Variants in SHISA6 observed in about 807,000 individuals in gnomAD.
The protein encoded by SHISA6 is shisa family member 6, also known as protein shisa-6.
SHISA6 carries 22 observed loss-of-function variants against 47.9 expected under a neutral mutation model. The observed-to-expected ratio is 0.46, with a 90% CI of 0.33 to 0.66. SHISA6 has a LOEUF of 0.66. Among genes scored for constraint, SHISA6 ranks in the 30% least tolerant of loss-of-function variants. The pLI is 0.02. For synonymous variants in SHISA6, 388 were observed against 337.8 expected (o/e 1.15, Z -1.63); for missense variants, 680 against 764.6 (o/e 0.89, Z 1.30).
At chr17:11,473,186 T>C (rs949391058) in intron 3 of SHISA6, among the ~76,000 whole-genome samples, 5 of 152,240 alleles carry the variant, frequency 3.3e-5, no homozygotes, top group Non-Finnish European at 7.3e-5. Flanking sequence ...TTGTCAATTA[T>C]TTCTTTCATG....
chr17:11,459,786 A>G (rs190129311), intron 3 of SHISA6, among the ~76,000 whole-genome samples: 205 of 152,348 alleles, frequency 1.3e-3, no homozygotes, highest in African/African-American at 4.7e-3. Context: ...GTCACAGAAC[A>G]CATCACGGGA....
chr17:11,303,399 GTGAT>G (rs905900826), intron 2 of SHISA6, among the ~76,000 whole-genome samples: 6 of 151,878 alleles, frequency 4.0e-5, no homozygotes, highest in African/African-American at 1.5e-4. Flanking sequence ...GGTTGTGTGT[GTGAT>G]TGTGTCTGGT....
chr17:11,426,558 G>A (rs1262912691), intron 3 of SHISA6, among the ~76,000 whole-genome samples: 1 of 152,190 alleles, frequency 6.6e-6, no homozygotes, highest in Admixed American at 6.5e-5. Context: ...ACTTTGCCCA[G>A]AGCACCTCTG....
At chr17:11,242,093 C>G (rs1472067099) in intron 1 of SHISA6, 33 bp downstream of exon 1, 1 of 1,547,714 alleles carries the variant, frequency 6.5e-7, no homozygotes. Context: ...GCCCCGGTCT[C>G]CCCGCGGCCT....
At chr17:11,388,531 A>G (rs60074750) in intron 3 of SHISA6, among the ~76,000 whole-genome samples, 3,881 of 151,998 alleles carry the variant, frequency 0.026, 156 homozygotes, top group African/African-American at 0.087. Flanking sequence ...ATGTCTGGAT[A>G]CGGAGAACCT....
At position 11,241,257 on chromosome 17, in the gene SHISA6, C is replaced by T; in HGVS notation, c.-166C>T. The T allele has an allele frequency of 4.6e-6, 1 of 215,378 alleles. No homozygotes were observed. The highest frequency in any genetic ancestry group is 7.8e-6 in the Non-Finnish European group (1 of 128,724). The allele number at this position is 215,378 out of a possible 1,614,324, so 13.3% of individuals were successfully genotyped here. A position where few individuals can be genotyped will look rare whatever the true frequency, so the allele number is the denominator to read the frequency against. The stretch of plus-strand genomic sequence containing the variant: ...GCCGGGCCGGTCCGTGCGCACCGCG[C>T]GCCGCCGCCGCCACTGCCGCCCGCG... On this transcript the variant is annotated 5_prime_UTR_variant, in exon 1 of 6. Coordinates refer to ENST00000441885, the MANE Select transcript of SHISA6 (RefSeq NM_207386.4). This position sits in a 1 kb window ranked among gnomAD's most constrained non-coding sequence, Gnocchi z 5.5.
intron 2 of SHISA6, among the ~76,000 whole-genome samples, chr17:11,276,870 C>T (rs1260325921): frequency 6.6e-6 from 1 of 152,172 alleles, no homozygotes; most frequent in African/African-American, 2.4e-5. Context: ...AGGATGTTCA[C>T]TTACATAACT....
At chr17:11,309,925 G>C (rs1597451501) in intron 2 of SHISA6, among the ~76,000 whole-genome samples, 1 of 152,212 alleles carries the variant, frequency 6.6e-6, no homozygotes, top group East Asian at 1.9e-4. Context: ...GTCCTCAGCT[G>C]CATGGCCAAA....
rs376226235 is a variant in SHISA6 at position 11,260,894 on chromosome 17, T to C, written c.639-2472T>C. Among the ~76,000 whole-genome samples the C allele has an allele frequency of 7.9e-5, 12 of 152,276 alleles. No individual in the cohort carries two copies. The South Asian group carries it at 1.7e-3, about 21-fold the overall frequency. On this transcript the variant is annotated intron_variant, in intron 1 of 5. Coordinates refer to ENST00000441885, the MANE Select transcript of SHISA6 (RefSeq NM_207386.4). Reference sequence around the variant, plus strand: ...CTCTCCCTGTTGTTCTCTCAGATGCTGGAAGCTGCTGCCCACTCTTTTGCA... The same window carrying C: ...CTCTCCCTGTTGTTCTCTCAGATGCCGGAAGCTGCTGCCCACTCTTTTGCA...
intron 2 of SHISA6, among the ~76,000 whole-genome samples, chr17:11,342,537 G>C (rs771313743): frequency 5.3e-5 from 8 of 152,224 alleles, no homozygotes; most frequent in Non-Finnish European, 7.3e-5. Context: ...TAAAAGGATA[G>C]TAAGAGGATA....
At chr17:11,546,732 C>T (rs1388938835) in intron 3 of SHISA6, among the ~76,000 whole-genome samples, 2 of 152,090 alleles carry the variant, frequency 1.3e-5, no homozygotes, top group Non-Finnish European at 2.9e-5. Context: ...CCAGCCTGGC[C>T]AACATGGTGA....
chr17:11,505,688 A>G (rs956624455), intron 3 of SHISA6, among the ~76,000 whole-genome samples: 1 of 152,210 alleles, frequency 6.6e-6, no homozygotes, highest in Non-Finnish European at 1.5e-5. Context: ...ATTCATGGCT[A>G]TCTCACTTTT....
intron 3 of SHISA6, among the ~76,000 whole-genome samples, chr17:11,461,291 G>A (rs1233954254): frequency 6.6e-6 from 1 of 151,754 alleles, no homozygotes; most frequent in Non-Finnish European, 1.5e-5. Flanking sequence ...CAGCTACTCA[G>A]GAGGCTGAGG....
At chr17:11,524,766 TA>T (rs2071661776) in intron 3 of SHISA6, among the ~76,000 whole-genome samples, 1 of 152,244 alleles carries the variant, frequency 6.6e-6, no homozygotes, top group Admixed American at 6.5e-5. Flanking sequence ...CCCAAAGTGC[TA>T]GGATTACAGG....
chr17:11,368,876 C>A (rs571031748), intron 2 of SHISA6, among the ~76,000 whole-genome samples: 1 of 152,126 alleles, frequency 6.6e-6, no homozygotes, highest in Non-Finnish European at 1.5e-5. Flanking sequence ...AGGCTGGTCT[C>A]GAACTCCTGA....
rs531527433 is a variant in SHISA6, at chr17:11,301,729, G to A, written c.799+38203G>A. ...TGGATCCCCAAGTCAATGTCATGCC[G>A]GTAGAAAGGATGGGAATGCAGGTGT... On this transcript the variant is annotated intron_variant, in intron 2 of 5. Transcript: ENST00000441885. Among the ~76,000 whole-genome samples the A allele has an allele frequency of 3.3e-5, 5 of 152,286 alleles. No homozygotes were observed. In the South Asian group the frequency reaches 6.2e-4, roughly 19 times the overall value.
At chr17:11,276,384 T>C (rs957875458) in intron 2 of SHISA6, among the ~76,000 whole-genome samples, 10 of 152,122 alleles carry the variant, frequency 6.6e-5, no homozygotes, top group African/African-American at 2.4e-4. Flanking sequence ...TGGACTGGAA[T>C]GTCAGTGATG....
intron 2 of SHISA6, among the ~76,000 whole-genome samples, chr17:11,347,634 A>G (rs868790264): frequency 3.0e-4 from 46 of 152,322 alleles, no homozygotes; most frequent in African/African-American, 1.1e-3. Flanking sequence ...TGCAAGCTGG[A>G]TTTCAAATGC....
intron 2 of SHISA6, among the ~76,000 whole-genome samples, chr17:11,345,050 C>T (rs565979621): frequency 2.6e-5 from 4 of 152,088 alleles, no homozygotes; most frequent in Admixed American, 6.5e-5. Flanking sequence ...TTCTGACCTG[C>T]GTTATTTCAC....
Sources: gnomAD v4.1 joint callset for allele counts (sites outside exome capture counted in the v4.1 genomes callset) on GRCh38, gnomAD v4.1.1 for gene constraint, Gnocchi (gnomAD v3.1) non-coding constraint, MANE v1.5 for transcripts, NCBI Gene and HGNC (gene_info 2026-07-23, HGNC 2026-07-21) for gene names.